Variants in KNDC1 observed in about 807,000 individuals in gnomAD.
The protein encoded by KNDC1 is kinase non-catalytic C-lobe domain-containing protein 1.
KNDC1 carries 106 observed loss-of-function variants against 172.8 expected under a neutral mutation model. The ratio of observed to expected loss-of-function variants is 0.61; its 90% CI spans 0.52 to 0.72. The LOEUF is 0.72. Among genes scored for constraint, KNDC1 ranks in the 30% least tolerant of loss-of-function variants. The probability of loss-of-function intolerance (pLI) is 0.00; values close to 1 mark genes in which losing one functional copy is unlikely to be tolerated. For missense variants in KNDC1, 2,325 were observed against 2,394.5 expected (o/e 0.97, Z 0.61); for synonymous variants, 1,083 against 1,062.2 (o/e 1.02, Z -0.38).
rs775157232 is a variant in KNDC1, at chr10:133,168,268, G to A, written c.316G>A (p.Ala106Thr). 17 of 1,614,160 alleles carry A rather than the reference G, an allele frequency of 1.1e-5. No homozygotes were observed. Among genetic ancestry groups the A allele is most frequent in the Non-Finnish European group, 1.4e-5 (17 of 1,180,016 alleles). The change falls in exon 3 of 30, where the codon GCC becomes ACC. Residue 106 changes from alanine (A) to threonine (T), a missense_variant. Physicochemically the swap from Ala to Thr is moderately conservative, Grantham distance 58. Coordinates refer to ENST00000304613, the MANE Select transcript of KNDC1 (RefSeq NM_152643.8). Reference protein sequence around the residue: ...MEQLSDDPEGAFVPPEFDVTG... With the variant: ...MEQLSDDPEGTFVPPEFDVTG... Reference sequence around the variant, plus strand: ...TCCTCCCCAAGACGACCCTGAGGGTGCCTTCGTTCCCCCCGAGTTCGACGT... The same window carrying A: ...TCCTCCCCAAGACGACCCTGAGGGTACCTTCGTTCCCCCCGAGTTCGACGT...
At position 133,177,636 on chromosome 10, in the gene KNDC1, ATG is replaced by A. The variant is rs771958716; in HGVS notation, c.361-5702_361-5701del. Among the ~76,000 whole-genome samples the A allele has an allele frequency of 1.2e-3, 189 of 151,880 alleles. 2 individuals are homozygous for A. The highest frequency in any genetic ancestry group is 6.6e-4 in the Non-Finnish European group (45 of 67,966). On this transcript the variant is annotated intron_variant, in intron 3 of 29. Transcript: ENST00000304613. ...TGCATGCACATAGTGTGTTGTGAGC[ATG>A]TGTGTTGCATGATGTGTACATGCAT...
At chr10:133,187,554 G>A (rs777545804) in intron 6 of KNDC1, among the ~76,000 whole-genome samples, 5 of 152,250 alleles carry the variant, frequency 3.3e-5, no homozygotes, top group Non-Finnish European at 5.9e-5. Context: ...GGACAAGGGC[G>A]CAGTGCCCCG....
chr10:133,223,724 C>T (rs1370182709), intron 29 of KNDC1, among the ~76,000 whole-genome samples: 1 of 83,546 alleles, frequency 1.2e-5, no homozygotes. Flanking sequence ...CTCTTCCCGG[C>T]GTGTGTGTGT....
Position 133,207,372 on chromosome 10 carries a change from AC to A in KNDC1, c.3794+24del, listed in dbSNP as rs747845037. 7 of 1,599,858 alleles carry A rather than the reference AC, an allele frequency of 4.4e-6. No individual in the cohort carries two copies. In the African/African-American group the frequency reaches 9.4e-5, roughly 21 times the overall value. On this transcript the variant is annotated intron_variant, in intron 20 of 29. Transcript: ENST00000304613. ...TCCAGGTGCGTTGGGAGAAAAGCTC[AC>A]CCGGAAAAGGAGACGTAGCCCGGGG...
chr10:133,191,429 G>A (rs1366403034), intron 9 of KNDC1, among the ~76,000 whole-genome samples: 1 of 151,758 alleles, frequency 6.6e-6, no homozygotes, highest in Non-Finnish European at 1.5e-5. Flanking sequence ...GCCGGGTGTG[G>A]TGGCTCACAC....
chr10:133,185,989 G>C lies in KNDC1; in HGVS notation c.641G>C (p.Ser214Thr), dbSNP rs767770319. ...FGALQDVSESSWRERPAPGNA... is the reference protein window; with the variant it reads ...FGALQDVSESTWRERPAPGNA... ...TTGTGCCCAGATGTCAGCGAGAGCA[G>C]CTGGCGGGAGAGACCTGCCCCAGGA... The change falls in exon 6 of 30, where the codon AGC becomes ACC. Residue 214 changes from serine (S) to threonine (T), a missense_variant. Physicochemically the swap from Ser to Thr is moderately conservative, Grantham distance 58. Coordinates refer to ENST00000304613, the MANE Select transcript of KNDC1 (RefSeq NM_152643.8). 30 of 1,597,900 alleles carry C rather than the reference G, an allele frequency of 1.9e-5. No individual in the cohort carries two copies. The highest frequency in any genetic ancestry group is 2.3e-5 in the Non-Finnish European group (27 of 1,174,054).
Position 133,175,370 on chromosome 10 carries a change from TTGTA to T in KNDC1, c.360+7062_360+7065del, listed in dbSNP as rs1411876270. The stretch of plus-strand genomic sequence containing the variant: ...AGTGGATGGATGGGTGGGTGGGTGG[TTGTA>T]TGTGTGGAGGATGGATGGGTGGATG... On this transcript the variant is annotated intron_variant, in intron 3 of 29. Transcript: ENST00000304613. Among the ~76,000 whole-genome samples, 32 of 125,844 alleles carry T rather than the reference TTGTA, an allele frequency of 2.5e-4. 1 individual carries two copies. In the South Asian group the frequency reaches 7.2e-3, roughly 28 times the overall value. The allele number at this position is 125,844 out of a possible 152,430, so 82.6% of individuals were successfully genotyped here.
chr10:133,199,722 G>C, intron 15 of KNDC1, 120 bp downstream of exon 15: 1 of 1,158,138 alleles, frequency 8.6e-7, no homozygotes, highest in South Asian at 1.5e-5. Flanking sequence ...TCTCGCTGCT[G>C]TCTCCAGAGG....
intron 26 of KNDC1, among the ~76,000 whole-genome samples, chr10:133,218,482 G>A (rs567947183): frequency 2.6e-5 from 4 of 152,168 alleles, no homozygotes; most frequent in African/African-American, 9.6e-5. Flanking sequence ...ACACGACAGC[G>A]GCCTCTCCCT....
Position 133,203,116 on chromosome 10 carries a change from C to T in KNDC1, c.3387+1218C>T, listed in dbSNP as rs12780711. Among the ~76,000 whole-genome samples, 577 of 81,762 alleles carry T rather than the reference C, an allele frequency of 7.1e-3. 4 individuals carry two copies. Among genetic ancestry groups the T allele is most frequent in the Admixed American group, 8.6e-3 (65 of 7,556 alleles). The allele number at this position is 81,762 out of a possible 152,430, so 53.6% of individuals were successfully genotyped here. On this transcript the variant is annotated intron_variant, in intron 17 of 29. Transcript: ENST00000304613. ...CCACCCCCAAACGCACGGCGTCCAG[C>T]GGGGAGCACTCGGCCCCCAAACGCA...
intron 12 of KNDC1, among the ~76,000 whole-genome samples, chr10:133,198,068 G>A (rs984394849): frequency 9.9e-5 from 15 of 151,782 alleles, no homozygotes; most frequent in Non-Finnish European, 1.5e-4. Context: ...CCCCACCCCC[G>A]TACTGAGCCC....
At chr10:133,177,667 G>T (rs575654087) in intron 3 of KNDC1, among the ~76,000 whole-genome samples, 2 of 144,656 alleles carry the variant, frequency 1.4e-5, no homozygotes, top group Non-Finnish European at 3.1e-5. Context: ...CATGCATGTG[G>T]TGTGTATATC....
At chr10:133,206,975 C>G in intron 19 of KNDC1, 22 bp downstream of exon 19, 1 of 1,605,580 alleles carries the variant, frequency 6.2e-7, no homozygotes, top group Non-Finnish European at 8.5e-7. Context: ...CCGGGCCCCG[C>G]TCTGCCCCGT....
chr10:133,189,275 G>T (rs757160691), intron 7 of KNDC1, among the ~76,000 whole-genome samples: 1 of 152,180 alleles, frequency 6.6e-6, no homozygotes, highest in Non-Finnish European at 1.5e-5. Flanking sequence ...CGTGGGCCCT[G>T]ACTCGGGACG....
At chr10:133,213,752 G>A in intron 25 of KNDC1, 25 bp downstream of exon 25, 2 of 1,608,776 alleles carry the variant, frequency 1.2e-6, no homozygotes, top group Non-Finnish European at 1.7e-6. Flanking sequence ...CCCTCAGCTG[G>A]GAGCGGTGGT....
chr10:133,201,588 C>T lies in KNDC1; in HGVS notation c.3077C>T (p.Ser1026Leu), dbSNP rs1216104689. The T allele has an allele frequency of 1.2e-6, 2 of 1,613,072 alleles. No homozygotes were observed. Among genetic ancestry groups the T allele is most frequent in the South Asian group, 1.1e-5 (1 of 91,082 alleles). ...TCGGATGTGGACTCGGACGCACTGT[C>T]ACGGGGAAACTTCGAGGTGGGGTTT... ...SVSDVDSDAL[S>L]RGNFEVGFRP... The change falls in exon 17 of 30, where the codon TCA becomes TTA. Residue 1026 changes from serine to leucine, a missense_variant. Ser to Leu is a moderately radical substitution (Grantham distance 145). Coordinates refer to ENST00000304613, the MANE Select transcript of KNDC1 (RefSeq NM_152643.8).
chr10:133,196,530 G>A lies in KNDC1; in HGVS notation c.1735-528G>A, dbSNP rs562224588. ...ACCTGGGTCCAGCCGTCTCCGCCTC[G>A]ACTGCTCTGTGGTCTTGGGCGGGTT... On this transcript the variant is annotated intron_variant, in intron 10 of 29. Coordinates refer to ENST00000304613, the MANE Select transcript of KNDC1 (RefSeq NM_152643.8). Among the ~76,000 whole-genome samples the A allele has an allele frequency of 1.4e-3, 212 of 152,236 alleles. 1 individual carries two copies. The highest frequency in any genetic ancestry group is 5.0e-3 in the African/African-American group (207 of 41,528).
At chr10:133,196,146 G>T (rs959222541) in intron 10 of KNDC1, among the ~76,000 whole-genome samples, 1 of 152,170 alleles carries the variant, frequency 6.6e-6, no homozygotes, top group Non-Finnish European at 1.5e-5. Context: ...CTGTGGGCAC[G>T]TGCAGACCCC....
At chr10:133,181,834 C>CCA (rs369062586) in intron 3 of KNDC1, among the ~76,000 whole-genome samples, 4,633 of 138,866 alleles carry the variant, frequency 0.033, 186 homozygotes, top group African/African-American at 0.095. Context: ...CCAGGACCGT[C>CCA]CACACACACA....
Sources: allele counts gnomAD v4.1 joint callset (sites outside exome capture counted in the v4.1 genomes callset), GRCh38; gene constraint gnomAD v4.1.1; transcripts MANE v1.5; gene names NCBI Gene and HGNC (gene_info 2026-07-23, HGNC 2026-07-21).